The following ATG7 variants were observed in gnomAD, a reference collection of about 807,000 sequenced individuals.
The protein encoded by ATG7 is ubiquitin-like modifier-activating enzyme ATG7.
A neutral mutation model predicts 82.4 loss-of-function variants in ATG7; 70 were observed. That is an observed-to-expected ratio of 0.85 (90% CI 0.70 to 1.04). The LOEUF is 1.04. Ranked by LOEUF, ATG7 falls within the 50% of genes least tolerant of loss-of-function variation. ATG7 has a pLI of 0.00. For missense variants in ATG7, 792 were observed against 864.3 expected (o/e 0.92, Z 1.05); for synonymous variants, 287 against 313.0 (o/e 0.92, Z 0.88).
intron 19 of ATG7, among the ~76,000 whole-genome samples, chr3:11,410,571 A>G (rs2080801913): frequency 6.6e-6 from 1 of 152,106 alleles, no homozygotes; most frequent in Non-Finnish European, 1.5e-5. Flanking sequence ...AAACTCTATA[A>G]CCATCAAACA....
chr3:11,327,344 A>G (rs555537103), intron 9 of ATG7, among the ~76,000 whole-genome samples: 2 of 152,330 alleles, frequency 1.3e-5, no homozygotes, highest in South Asian at 2.1e-4. Flanking sequence ...TATGCAGTGA[A>G]CCCTCTTTTA....
chr3:11,434,534 A>C (rs2083195317), intron 20 of ATG7, among the ~76,000 whole-genome samples: 1 of 152,242 alleles, frequency 6.6e-6, no homozygotes. Flanking sequence ...AGGCAGAAAC[A>C]GGCAGAAAGC....
chr3:11,319,082 A>G (rs2152732385), intron 9 of ATG7, among the ~76,000 whole-genome samples: 1 of 152,338 alleles, frequency 6.6e-6, no homozygotes, highest in African/African-American at 2.4e-5. Context: ...GACACTTAAG[A>G]GACACATGAT....
At chr3:11,279,857 A>G (rs1171081484) in intron 1 of ATG7, among the ~76,000 whole-genome samples, 1 of 151,688 alleles carries the variant, frequency 6.6e-6, no homozygotes, top group East Asian at 1.9e-4. Flanking sequence ...TTACCTCCAA[A>G]TTGCTATACT....
intron 20 of ATG7, among the ~76,000 whole-genome samples, chr3:11,472,840 A>AT (rs1170725898): frequency 7.9e-6 from 1 of 127,384 alleles, no homozygotes; most frequent in East Asian, 2.0e-4. Flanking sequence ...AAATGCGCTG[A>AT]TTTGCACACC....
At chr3:11,395,496 A>T (rs2079135755) in intron 19 of ATG7, among the ~76,000 whole-genome samples, 1 of 152,160 alleles carries the variant, frequency 6.6e-6, no homozygotes, top group South Asian at 2.1e-4. Flanking sequence ...GCAGTGGGGG[A>T]TGGGGAAAAG....
intron 7 of ATG7, among the ~76,000 whole-genome samples, chr3:11,313,075 A>G (rs73125415): frequency 0.018 from 2,764 of 152,312 alleles, 77 homozygotes; most frequent in African/African-American, 0.062. Flanking sequence ...AAAGTATATT[A>G]TGTTTGTCAT....
intron 14 of ATG7, among the ~76,000 whole-genome samples, chr3:11,356,000 TAAC>T (rs2075907800): frequency 6.6e-6 from 1 of 152,190 alleles, no homozygotes; most frequent in Admixed American, 6.5e-5. Context: ...TATTGATACT[TAAC>T]AATATAATGA....
chr3:11,551,020 ACTCT>A (rs777289252), intron 20 of ATG7, among the ~76,000 whole-genome samples: 1 of 151,110 alleles, frequency 6.6e-6, no homozygotes, highest in South Asian at 2.1e-4. Context: ...TTTCCAAGTG[ACTCT>A]CTACTTCTCT....
intron 20 of ATG7, among the ~76,000 whole-genome samples, chr3:11,505,843 C>A (rs1240151376): frequency 6.6e-6 from 1 of 152,222 alleles, no homozygotes; most frequent in African/African-American, 2.4e-5. Flanking sequence ...AGTCTTGTCA[C>A]TTCTGTCTGG....
chr3:11,347,814 C>T (rs929909770), intron 13 of ATG7, 63 bp from the exon 14 acceptor site: 2 of 1,509,384 alleles, frequency 1.3e-6, no homozygotes, highest in African/African-American at 2.8e-5. Context: ...TTTGAGATTT[C>T]AAGAGACAGC....
intron 19 of ATG7, among the ~76,000 whole-genome samples, chr3:11,400,600 A>G (rs576287228): frequency 1.3e-5 from 2 of 152,086 alleles, no homozygotes; most frequent in Non-Finnish European, 2.9e-5. Context: ...GTGTTGGTTC[A>G]CACCGCACCC....
chr3:11,393,301 A>G (rs1444530888), intron 19 of ATG7, among the ~76,000 whole-genome samples: 1 of 151,802 alleles, frequency 6.6e-6, no homozygotes, highest in Non-Finnish European at 1.5e-5. Context: ...CCTCTAGTAT[A>G]GATTTCAAAG....
downstream of ATG7, chr3:11,559,268 G>A: frequency 6.8e-7 from 1 of 1,467,804 alleles, no homozygotes; most frequent in Non-Finnish European, 9.0e-7. Flanking sequence ...CCAACAGCAT[G>A]ACAGAGAAGG....
intron 20 of ATG7, among the ~76,000 whole-genome samples, chr3:11,500,497 C>T (rs2091242615): frequency 6.6e-6 from 1 of 152,082 alleles, no homozygotes; most frequent in Non-Finnish European, 1.5e-5. Context: ...AATAAAACTC[C>T]ACCATTGGGA....
intron 19 of ATG7, among the ~76,000 whole-genome samples, chr3:11,385,446 T>C (rs897272159): frequency 3.3e-5 from 5 of 152,392 alleles, no homozygotes; most frequent in South Asian, 2.1e-4. Flanking sequence ...TAAACTGTTA[T>C]CTGTTAGCAG....
intron 20 of ATG7, among the ~76,000 whole-genome samples, chr3:11,503,054 C>A (rs970652211): frequency 6.6e-6 from 1 of 152,196 alleles, no homozygotes; most frequent in Non-Finnish European, 1.5e-5. Flanking sequence ...CTTCTCCCCA[C>A]ACTAGGATCC....
intron 20 of ATG7, among the ~76,000 whole-genome samples, chr3:11,482,125 C>T (rs911670705): frequency 1.3e-5 from 2 of 152,214 alleles, no homozygotes; most frequent in African/African-American, 2.4e-5. Context: ...CTCATCACTG[C>T]TTTCTGTGCT....
intron 20 of ATG7, among the ~76,000 whole-genome samples, chr3:11,525,806 G>C (rs149576265): frequency 2.0e-5 from 3 of 151,720 alleles, no homozygotes; most frequent in Non-Finnish European, 4.4e-5. Context: ...TGCCCGCCTC[G>C]GCCTCCCAAA....
Sources: gnomAD v4.1 joint callset for allele counts (sites outside exome capture counted in the v4.1 genomes callset) on GRCh38, gnomAD v4.1.1 for gene constraint, MANE v1.5 for transcripts, NCBI Gene and HGNC (gene_info 2026-07-23, HGNC 2026-07-21) for gene names.